The following RNLS variants were observed in gnomAD, a reference collection of about 807,000 sequenced individuals.
RNLS encodes renalase, FAD dependent amine oxidase.
A neutral mutation model predicts 39.8 loss-of-function variants in RNLS; 39 were observed. The observed-to-expected ratio is 0.98, with a 90% CI of 0.76 to 1.28. The LOEUF is 1.28. RNLS is among the 50% of genes most tolerant of loss of function. RNLS has a pLI of 0.00. For synonymous variants in RNLS, 147 were observed against 150.7 expected (o/e 0.98, Z 0.18); for missense variants, 410 against 413.3 (o/e 0.99, Z 0.07).
intron 4 of RNLS, among the ~76,000 whole-genome samples, chr10:88,486,599 A>G (rs1844539328): frequency 6.6e-6 from 1 of 152,206 alleles, no homozygotes; most frequent in Non-Finnish European, 1.5e-5. Flanking sequence ...GCTAACAAGC[A>G]TATTAAAAAA....
chr10:88,353,454 T>C (rs147996728), intron 5 of RNLS, among the ~76,000 whole-genome samples: 1,580 of 152,358 alleles, frequency 0.01, 28 homozygotes, highest in African/African-American at 0.036. Context: ...ATTTCTGCCT[T>C]CATTTCATTA....
At chr10:88,552,541 T>A (rs1416139894) in intron 4 of RNLS, among the ~76,000 whole-genome samples, 1 of 152,008 alleles carries the variant, frequency 6.6e-6, no homozygotes, top group Admixed American at 6.6e-5. Context: ...GGTAGAAGAG[T>A]AGTAAGGATA....
chr10:88,233,286 A>AG, the RNLS span, among the ~76,000 whole-genome samples: 246 of 152,318 alleles, frequency 1.6e-3, 1 homozygote, highest in African/African-American at 5.6e-3. Context: ...CAGCTGGTTA[A>AG]GGGGGAGCAG....
chr10:88,354,493 T>A (rs1039562230), intron 5 of RNLS, among the ~76,000 whole-genome samples: 10 of 152,210 alleles, frequency 6.6e-5, no homozygotes, highest in Non-Finnish European at 1.3e-4. Context: ...TTTGGCTGGA[T>A]ATGAAATTCT....
At chr10:88,427,928 ATGC>A (rs1315542254) in intron 4 of RNLS, among the ~76,000 whole-genome samples, 4 of 151,944 alleles carry the variant, frequency 2.6e-5, no homozygotes, top group African/African-American at 9.7e-5. Flanking sequence ...CAGCTTAGAT[ATGC>A]TTACGTTTTC....
chr10:88,537,742 G>A (rs757350666), intron 4 of RNLS, among the ~76,000 whole-genome samples: 31 of 152,232 alleles, frequency 2.0e-4, no homozygotes, highest in Non-Finnish European at 3.7e-4. Flanking sequence ...GAGCTAAGGG[G>A]GGCTTCTCAA....
chr10:88,583,005 G>GC, intron 1 of RNLS, 68 bp downstream of exon 1: 1 of 1,551,158 alleles, frequency 6.4e-7, no homozygotes. Flanking sequence ...TTGGGTGCAG[G>GC]CCCACACCAC....
chr10:88,503,690 G>A (rs1378772797), intron 4 of RNLS, among the ~76,000 whole-genome samples: 3 of 152,182 alleles, frequency 2.0e-5, no homozygotes, highest in Non-Finnish European at 4.4e-5. Context: ...CTTGAGGACT[G>A]TGAATAAGAC....
chr10:88,581,507 T>A, intron 3 of RNLS, 60 bp downstream of exon 3: 1 of 1,423,806 alleles, frequency 7.0e-7, no homozygotes, highest in Non-Finnish European at 9.6e-7. Flanking sequence ...TGTAACTATG[T>A]GTGTAACTTG....
intron 4 of RNLS, among the ~76,000 whole-genome samples, chr10:88,528,620 C>T (rs61640455): frequency 0.19 from 28,875 of 151,598 alleles, 3,047 homozygotes; most frequent in Middle Eastern, 0.28. Flanking sequence ...CCGAGGCGGG[C>T]GGATCACTTG....
the RNLS span, among the ~76,000 whole-genome samples, chr10:88,191,749 T>C: frequency 6.6e-6 from 1 of 152,194 alleles, no homozygotes; most frequent in Non-Finnish European, 1.5e-5. Flanking sequence ...TAGTTATGTG[T>C]AGGAAAACAT....
At chr10:88,544,807 G>C (rs1279527660) in intron 4 of RNLS, among the ~76,000 whole-genome samples, 1 of 152,124 alleles carries the variant, frequency 6.6e-6, no homozygotes, top group Non-Finnish European at 1.5e-5. Flanking sequence ...TTCTTTCATG[G>C]CTTTGGTGGG....
In RNLS at chr10:88,582,325, G is replaced by T; in HGVS notation, c.119-18C>A. ...TCTTCCCCCTTGAATTAATCCACAG[G>T]AAAATGTCTTACTGCATGACAATGA... On this transcript the variant is annotated intron_variant, in intron 1 of 6. Transcript: ENST00000331772. 6.3e-7 allele frequency: 1 copy of T among 1,597,204 alleles called. No homozygotes were observed. The highest frequency in any genetic ancestry group is 8.6e-7 in the Non-Finnish European group (1 of 1,167,214).
chr10:88,382,216 AAAG>A (rs1473387087), intron 4 of RNLS, among the ~76,000 whole-genome samples: 2 of 152,102 alleles, frequency 1.3e-5, no homozygotes, highest in Non-Finnish European at 2.9e-5. Context: ...CAAAACAGTA[AAAG>A]AAGAGAAAAG....
intron 4 of RNLS, among the ~76,000 whole-genome samples, chr10:88,445,589 C>T (rs931752235): frequency 3.3e-5 from 5 of 152,114 alleles, no homozygotes; most frequent in African/African-American, 9.7e-5. Flanking sequence ...TAGCGACACA[C>T]ATAGGCTCAA....
At chr10:88,239,260 A>G in the RNLS span, among the ~76,000 whole-genome samples, 1 of 152,112 alleles carries the variant, frequency 6.6e-6, no homozygotes, top group Admixed American at 6.6e-5. Context: ...CCGCAGAGTA[A>G]CTGAACTCTT....
At chr10:88,384,793 T>C (rs1025247643) in intron 4 of RNLS, among the ~76,000 whole-genome samples, 1 of 152,230 alleles carries the variant, frequency 6.6e-6, no homozygotes, top group Non-Finnish European at 1.5e-5. Flanking sequence ...ATCTATGCTA[T>C]TGAGTTGACG....
chr10:88,321,988 ACAAT>A (rs1564692942), intron 5 of RNLS, among the ~76,000 whole-genome samples: 1 of 152,198 alleles, frequency 6.6e-6, no homozygotes, highest in East Asian at 1.9e-4. Context: ...TGGCAAGGAC[ACAAT>A]CAAGGAAGAA....
chr10:88,381,662 A>AGAT (rs1296865198), intron 4 of RNLS, among the ~76,000 whole-genome samples: 1 of 152,054 alleles, frequency 6.6e-6, no homozygotes, highest in Non-Finnish European at 1.5e-5. Flanking sequence ...ACAAATATTA[A>AGAT]GATGATATAT....
Sources: allele counts gnomAD v4.1 joint callset (sites outside exome capture counted in the v4.1 genomes callset), GRCh38; gene constraint gnomAD v4.1.1; transcripts MANE v1.5; gene names NCBI Gene and HGNC (gene_info 2026-07-23, HGNC 2026-07-21).